The following KDM4B variants were observed in gnomAD, a reference collection of about 807,000 sequenced individuals.
The protein encoded by KDM4B is lysine demethylase 4B.
In KDM4B, 32 loss-of-function variants were observed where a neutral mutation model predicts 125.2. The observed-to-expected ratio is 0.26, with a 90% CI of 0.19 to 0.34. The LOEUF (loss-of-function observed/expected upper bound fraction) is 0.34. KDM4B is among the 10% of genes least tolerant of loss of function. KDM4B has a pLI of 1.00. For missense variants in KDM4B, 1,190 were observed against 1,577.7 expected (o/e 0.75, Z 4.16); for synonymous variants, 721 against 677.9 (o/e 1.06, Z -0.99).
intron 3 of KDM4B, among the ~76,000 whole-genome samples, chr19:5,036,739 C>G (rs868826662): frequency 6.6e-6 from 1 of 152,244 alleles, no homozygotes; most frequent in African/African-American, 2.4e-5. Context: ...AGGAATGTCC[C>G]GAGCGGCTTT....
chr19:5,099,473 A>G (rs748657604), intron 9 of KDM4B, among the ~76,000 whole-genome samples: 5 of 152,226 alleles, frequency 3.3e-5, no homozygotes, highest in Non-Finnish European at 7.3e-5. Flanking sequence ...TACAGTAAGT[A>G]CCTGCTCTTA....
chr19:5,126,241 C>T (rs1053712261), intron 11 of KDM4B, among the ~76,000 whole-genome samples: 2 of 152,154 alleles, frequency 1.3e-5, no homozygotes, highest in Non-Finnish European at 1.5e-5. Context: ...TTCCCAGTGG[C>T]TGCTGGTGTC....
chr19:5,119,221 T>C, intron 10 of KDM4B: 5 of 1,525,528 alleles, frequency 3.3e-6, no homozygotes, highest in African/African-American at 1.4e-5. Flanking sequence ...GGGGCTGTCG[T>C]AAGTGTCTTT....
In KDM4B at chr19:5,077,517, G is replaced by A. The variant is rs761102604; in HGVS notation, c.780+47G>A. On this transcript the variant is annotated intron_variant, in intron 8 of 22. Coordinates refer to ENST00000159111, the MANE Select transcript of KDM4B (RefSeq NM_015015.3). Reference sequence around the variant, plus strand: ...ACGCCTGTGGGTGAAGTGGGTACCGGGTCCAAGCCCAGGTGGCCGCACATA... The same window carrying A: ...ACGCCTGTGGGTGAAGTGGGTACCGAGTCCAAGCCCAGGTGGCCGCACATA... 3 of 1,534,062 alleles carry A rather than the reference G, an allele frequency of 2.0e-6. No homozygotes were observed. The African/African-American group carries it at 4.1e-5, about 21-fold the overall frequency.
At position 5,035,880 on chromosome 19, in the gene KDM4B, T is replaced by TGTATGTGTGC. The variant is rs58219404; in HGVS notation, c.141+2850_141+2851insTATGTGTGCG. On this transcript the variant is annotated intron_variant, in intron 3 of 22. Transcript: ENST00000159111. The surrounding 1 kb of genome is among the most constrained non-coding windows in gnomAD (Gnocchi z 5.3). The stretch of plus-strand genomic sequence containing the variant: ...ACGTGTCTCTGTGTGTGTGTGTGTG[T>TGTATGTGTGC]GCGCGCGCGCGCGCGCCTGCGCGCA... 1.5e-5 allele frequency among the ~76,000 whole-genome samples: 2 copies of TGTATGTGTGC among 136,400 alleles called. No homozygotes were observed. The highest frequency in any genetic ancestry group is 2.6e-5 in the African/African-American group (1 of 37,794). 89.5% of individuals were successfully genotyped at this position (136,400 alleles called of 152,430 possible).
chr19:4,974,866 G>A (rs1006635794), intron 1 of KDM4B, among the ~76,000 whole-genome samples: 1 of 151,812 alleles, frequency 6.6e-6, no homozygotes, highest in African/African-American at 2.4e-5. Flanking sequence ...GGGCCCTTTC[G>A]CGTGGCCCCT....
chr19:5,072,549 C>G (rs2037981136), intron 7 of KDM4B, among the ~76,000 whole-genome samples: 1 of 152,222 alleles, frequency 6.6e-6, no homozygotes, highest in Non-Finnish European at 1.5e-5. Context: ...GTCCAGCTCA[C>G]TTACATACTA....
At chr19:5,127,022 C>T (rs540163899) in intron 11 of KDM4B, among the ~76,000 whole-genome samples, 1 of 152,350 alleles carries the variant, frequency 6.6e-6, no homozygotes, top group Non-Finnish European at 1.5e-5. Flanking sequence ...TGGTGGAAAC[C>T]CCGGCGCTGG....
intron 6 of KDM4B, among the ~76,000 whole-genome samples, chr19:5,050,451 G>T (rs1443689298): frequency 6.6e-6 from 1 of 152,220 alleles, no homozygotes; most frequent in East Asian, 1.9e-4. Context: ...AGGCCGGGGG[G>T]GCCGGAGTGC....
At chr19:4,983,510 C>G (rs1267580331) in intron 1 of KDM4B, among the ~76,000 whole-genome samples, 1 of 152,230 alleles carries the variant, frequency 6.6e-6, no homozygotes, top group Non-Finnish European at 1.5e-5. Context: ...CCCACAGTCT[C>G]TCGCCTTTGC....
intron 1 of KDM4B, among the ~76,000 whole-genome samples, chr19:4,989,155 T>G (rs996686326): frequency 7.9e-5 from 12 of 152,128 alleles, no homozygotes; most frequent in Admixed American, 7.9e-4. Flanking sequence ...GTCGCTGCCG[T>G]GGAGGGCTTG....
chr19:5,081,965 A>G lies in KDM4B; in HGVS notation c.781-402A>G, dbSNP rs1299263744. ...CAGTGACTGTGAGTGTGACTCAGCC[A>G]CCTCCAAAGCAGGAGGCCCCCATCG... is the stretch of plus-strand genomic sequence containing the variant. On this transcript the variant is annotated intron_variant, in intron 8 of 22. Coordinates refer to ENST00000159111, the MANE Select transcript of KDM4B (RefSeq NM_015015.3). The surrounding 1 kb of genome is among the most constrained non-coding windows in gnomAD (Gnocchi z 4.2). Among the ~76,000 whole-genome samples, 1 of 152,066 alleles carries G rather than the reference A, an allele frequency of 6.6e-6. No individual in the cohort carries two copies. The highest frequency in any genetic ancestry group is 1.5e-5 in the Non-Finnish European group (1 of 67,986).
intron 5 of KDM4B, among the ~76,000 whole-genome samples, chr19:5,043,916 G>A (rs1166504690): frequency 1.3e-4 from 18 of 133,662 alleles, no homozygotes; most frequent in African/African-American, 2.7e-4. Flanking sequence ...ACCTTATCCC[G>A]CGTGGTGTTT....
chr19:5,052,080 G>T (rs79137877), intron 6 of KDM4B, among the ~76,000 whole-genome samples: 6,594 of 152,186 alleles, frequency 0.043, 497 homozygotes, highest in African/African-American at 0.15. Flanking sequence ...GGCCAGGGGA[G>T]AGGGGATTAT....
intron 6 of KDM4B, 117 bp downstream of exon 6, chr19:5,047,786 G>T: frequency 2.0e-6 from 2 of 995,162 alleles, no homozygotes; most frequent in East Asian, 2.5e-5. Context: ...GGCCGCAAAG[G>T]TCGGCCTATG....
In KDM4B at chr19:5,132,006, G is replaced by T; in HGVS notation, c.1905G>T (p.Glu635Asp). The T allele has an allele frequency of 6.2e-7, 1 of 1,603,824 alleles. No individual in the cohort carries two copies. ...TGAAGCAGGAGGCCTCAAGTGACGA[G>T]GGTGAGTGGGGGGTCCCCAGGTCGG... is the stretch of plus-strand genomic sequence containing the variant. ...SVVKQEASSD[E>D]EASPFSGEED... The change falls in exon 13 of 23, where the codon GAG becomes GAT. Residue 635 changes from glutamate (E) to aspartate (D), a missense_variant and splice_region_variant. Glu to Asp is a conservative substitution (Grantham distance 45). This residue lies in a region of KDM4B where 128 missense variants were observed against 137.8 expected (regional missense o/e 0.93). Transcript: ENST00000159111.
intron 11 of KDM4B, among the ~76,000 whole-genome samples, chr19:5,121,891 G>C (rs1341682791): frequency 1.3e-5 from 2 of 152,022 alleles, no homozygotes; most frequent in African/African-American, 4.8e-5. Context: ...GCTTGCCACA[G>C]AGCTTGCAGG....
intron 12 of KDM4B, 130 bp downstream of exon 12, chr19:5,131,675 T>TGGGG (rs2039559373): frequency 8.3e-6 from 2 of 240,084 alleles, no homozygotes; most frequent in African/African-American, 8.8e-5. Context: ...GAGGGCTGAC[T>TGGGG]GCTGGTTTCA....
chr19:5,082,681 AC>A lies in KDM4B; in HGVS notation c.918+179del, dbSNP rs1229612662. Among the ~76,000 whole-genome samples, 8 of 152,114 alleles carry A rather than the reference AC, an allele frequency of 5.3e-5. No individual in the cohort carries two copies. Among genetic ancestry groups the A allele is most frequent in the African/African-American group, 1.9e-4 (8 of 41,426 alleles). On this transcript the variant is annotated intron_variant, in intron 9 of 22. Transcript: ENST00000159111. This position sits in a 1 kb window ranked among gnomAD's most constrained non-coding sequence, Gnocchi z 5.4. ...AGAGCTTTTGCCCAGAACGCTCCTTACCTCGAAGACTGGAGAGGAGGTGGGC... is the reference window on the plus strand; with the variant it reads ...AGAGCTTTTGCCCAGAACGCTCCTTACTCGAAGACTGGAGAGGAGGTGGGC...
Sources: allele counts gnomAD v4.1 joint callset (sites outside exome capture counted in the v4.1 genomes callset), GRCh38; gene constraint gnomAD v4.1.1; regional missense constraint gnomAD v4.1.1; non-coding constraint Gnocchi (gnomAD v3.1); transcripts MANE v1.5; gene names NCBI Gene and HGNC (gene_info 2026-07-23, HGNC 2026-07-21).